The following WWOX variants were observed in gnomAD, a reference collection of about 807,000 sequenced individuals.
WWOX encodes WW domain-containing oxidoreductase.
In WWOX, 69 loss-of-function variants were observed where a neutral mutation model predicts 46.2. The ratio of observed to expected loss-of-function variants is 1.49; its 90% CI spans 1.23 to 1.82. WWOX has a LOEUF of 1.82. Ranked by LOEUF, WWOX falls within the 40% of genes most tolerant of loss-of-function variation. The pLI is 0.00. For missense variants in WWOX, 919 were observed against 542.6 expected, an observed-to-expected ratio of 1.69 and a Z score of -6.89; for synonymous variants, 359 against 202.6, an observed-to-expected ratio of 1.77 and a Z score of -6.56.
intron 8 of WWOX, among the ~76,000 whole-genome samples, chr16:79,122,857 C>A (rs755459032): frequency 3.3e-5 from 5 of 152,170 alleles, no homozygotes; most frequent in Non-Finnish European, 7.3e-5. Context: ...TTTACAGAAG[C>A]AGCAACTGAG....
At chr16:79,047,625 C>G (rs943590129) in intron 8 of WWOX, among the ~76,000 whole-genome samples, 2 of 148,278 alleles carry the variant, frequency 1.3e-5, no homozygotes, top group African/African-American at 5.0e-5. Flanking sequence ...GATTCCCTTA[C>G]AGTTCTGGAT....
chr16:78,366,022 A>G (rs1444192959), intron 5 of WWOX, among the ~76,000 whole-genome samples: 1 of 152,232 alleles, frequency 6.6e-6, no homozygotes, highest in Non-Finnish European at 1.5e-5. Context: ...TCAGGAAAGT[A>G]TCACTGGTTA....
chr16:78,992,093 A>G (rs2046898742), intron 8 of WWOX, among the ~76,000 whole-genome samples: 1 of 152,142 alleles, frequency 6.6e-6, no homozygotes, highest in African/African-American at 2.4e-5. Context: ...CACACCTGTG[A>G]TGTGCTAGTT....
intron 6 of WWOX, 37 bp downstream of exon 6, chr16:78,386,985 C>G (rs12446823): frequency 5.7e-6 from 9 of 1,583,764 alleles, no homozygotes; most frequent in Non-Finnish European, 6.1e-6. Context: ...ATCATAATTT[C>G]TTGCTATTGT....
At chr16:79,020,927 T>C (rs1365501721) in intron 8 of WWOX, among the ~76,000 whole-genome samples, 1 of 152,160 alleles carries the variant, frequency 6.6e-6, no homozygotes, top group East Asian at 1.9e-4. Context: ...TTAATGAGCT[T>C]AGATTGTCAG....
chr16:79,154,701 A>G (rs1029139492), intron 8 of WWOX, among the ~76,000 whole-genome samples: 1 of 152,192 alleles, frequency 6.6e-6, no homozygotes, highest in Non-Finnish European at 1.5e-5. Flanking sequence ...ACTGTTAATC[A>G]CTTTCATAGT....
At chr16:78,671,312 C>G (rs1435845202) in intron 8 of WWOX, among the ~76,000 whole-genome samples, 1 of 152,126 alleles carries the variant, frequency 6.6e-6, no homozygotes, top group Non-Finnish European at 1.5e-5. Flanking sequence ...GTAGTCCCAG[C>G]TACTTGGGAG....
chr16:78,575,731 A>G (rs2044862012), intron 8 of WWOX, among the ~76,000 whole-genome samples: 2 of 152,226 alleles, frequency 1.3e-5, no homozygotes. Flanking sequence ...TAGCACTATG[A>G]AGAAAAATTT....
At chr16:78,322,381 G>A (rs767277308) in intron 5 of WWOX, among the ~76,000 whole-genome samples, 2 of 152,166 alleles carry the variant, frequency 1.3e-5, no homozygotes, top group African/African-American at 2.4e-5. Flanking sequence ...TAAGGAAATA[G>A]TATATGATAA....
intron 8 of WWOX, among the ~76,000 whole-genome samples, chr16:78,978,542 T>C (rs1006528036): frequency 3.3e-5 from 5 of 152,094 alleles, no homozygotes; most frequent in Admixed American, 3.3e-4. Context: ...TGAGACTGGG[T>C]AATGGCTGAA....
chr16:78,427,743 A>G (rs565232098), intron 7 of WWOX, among the ~76,000 whole-genome samples: 60 of 152,278 alleles, frequency 3.9e-4, no homozygotes, highest in Non-Finnish European at 7.9e-4. Context: ...ATGCCACTGC[A>G]TTCCAGCCTG....
At chr16:78,809,791 G>A (rs565917414) in intron 8 of WWOX, among the ~76,000 whole-genome samples, 3 of 152,282 alleles carry the variant, frequency 2.0e-5, no homozygotes, top group East Asian at 1.9e-4. Context: ...GGATAGCGGT[G>A]TGTTCAGTGT....
intron 8 of WWOX, among the ~76,000 whole-genome samples, chr16:79,197,868 T>C (rs1356179930): frequency 1.3e-5 from 2 of 152,228 alleles, no homozygotes; most frequent in East Asian, 3.9e-4. Context: ...TGTCCTGATA[T>C]AAGGCTCTCA....
chr16:78,803,173 A>C (rs2050940832), intron 8 of WWOX, among the ~76,000 whole-genome samples: 1 of 151,884 alleles, frequency 6.6e-6, no homozygotes. Flanking sequence ...TCACACAACA[A>C]GTCAGTTCTT....
At chr16:78,183,486 C>T (rs534824557) in intron 5 of WWOX, among the ~76,000 whole-genome samples, 14 of 152,274 alleles carry the variant, frequency 9.2e-5, no homozygotes, top group Admixed American at 2.0e-4. Context: ...ATCCTGGCTG[C>T]GCCGTTCTGT....
At chr16:78,836,649 G>C (rs1239801953) in intron 8 of WWOX, among the ~76,000 whole-genome samples, 1 of 152,162 alleles carries the variant, frequency 6.6e-6, no homozygotes, top group African/African-American at 2.4e-5. Flanking sequence ...GAGGTGGCTG[G>C]CATTAGGCCA....
intron 4 of WWOX, among the ~76,000 whole-genome samples, chr16:78,118,490 T>G (rs1245484792): frequency 1.3e-5 from 2 of 152,166 alleles, no homozygotes; most frequent in Non-Finnish European, 2.9e-5. Flanking sequence ...TCTGACCCAC[T>G]GCCTGATTTT....
chr16:78,300,344 G>T (rs1274508968), intron 5 of WWOX, among the ~76,000 whole-genome samples: 1 of 152,144 alleles, frequency 6.6e-6, no homozygotes. Flanking sequence ...CCTCGGAAAG[G>T]AAAATTCTTG....
At chr16:78,957,881 G>T (rs905082429) in intron 8 of WWOX, among the ~76,000 whole-genome samples, 1 of 152,292 alleles carries the variant, frequency 6.6e-6, no homozygotes, top group Non-Finnish European at 1.5e-5. Context: ...GGCGTGGGGG[G>T]ACACATGACT....
Sources: gnomAD v4.1 joint callset for allele counts (sites outside exome capture counted in the v4.1 genomes callset) on GRCh38, gnomAD v4.1.1 for gene constraint, MANE v1.5 for transcripts, NCBI Gene and HGNC (gene_info 2026-07-23, HGNC 2026-07-21) for gene names.